ATP6V1B1: variants seen among roughly 807,000 people sequenced by gnomAD.
ATP6V1B1 encodes ATPase H+ transporting V1 subunit B1, also known as V-type proton ATPase subunit B, kidney isoform.
In ATP6V1B1, 41 loss-of-function variants were observed where a neutral mutation model predicts 62.1. That is an observed-to-expected ratio of 0.66 (90% CI 0.51 to 0.86). The LOEUF (loss-of-function observed/expected upper bound fraction) is 0.86, where lower values mean the gene tolerates loss of function less well. Ranked by LOEUF, ATP6V1B1 falls within the 40% of genes least tolerant of loss-of-function variation. ATP6V1B1 has a pLI of 0.00. For synonymous variants in ATP6V1B1, 253 were observed against 273.4 expected (o/e 0.93, Z 0.74); for missense variants, 651 against 697.5 (o/e 0.93, Z 0.75).
intron 2 of ATP6V1B1, chr2:70,956,369 C>A (rs1680432497): frequency 1.9e-5 from 3 of 160,136 alleles, no homozygotes. Flanking sequence ...CGGCTGCCTG[C>A]CCCCATGGGT....
chr2:70,939,008 C>T (rs1553415985), intron 1 of ATP6V1B1, among the ~76,000 whole-genome samples: 1 of 152,264 alleles, frequency 6.6e-6, no homozygotes, highest in Non-Finnish European at 1.5e-5. Context: ...GAGCCCTCAG[C>T]TTCCAGCCCC....
chr2:70,965,215 C>A lies in ATP6V1B1; in HGVS notation c.*94C>A. 6.6e-7 allele frequency: 1 copy of A among 1,519,358 alleles called. No individual in the cohort carries two copies. Among genetic ancestry groups the A allele is most frequent in the Non-Finnish European group, 8.9e-7 (1 of 1,122,114 alleles). 94.1% of individuals were successfully genotyped at this position (1,519,358 alleles called of 1,614,324 possible). Reference sequence around the variant, plus strand: ...GCCACCCCAACCAGCGGCTTCTGCGCCGCCCTCCGCCCTCCGCTGGCTCCG... The same window carrying A: ...GCCACCCCAACCAGCGGCTTCTGCGACGCCCTCCGCCCTCCGCTGGCTCCG... On this transcript the variant is annotated 3_prime_UTR_variant, in exon 14 of 14. Transcript: ENST00000234396.
intron 2 of ATP6V1B1, among the ~76,000 whole-genome samples, chr2:70,950,779 T>C (rs1428347958): frequency 6.6e-5 from 10 of 152,158 alleles, no homozygotes. Context: ...ACTTTTACTT[T>C]ACTTTTTATT....
At position 70,963,610 on chromosome 2, in the gene ATP6V1B1, A is replaced by G. The variant is rs1553420524; in HGVS notation, c.1099A>G (p.Thr367Ala). 3 of 1,614,148 alleles carry G rather than the reference A, an allele frequency of 1.9e-6. No homozygotes were observed. The highest frequency in any genetic ancestry group is 2.2e-5 in the South Asian group (2 of 91,084). Residue 367 changes from threonine (T) to alanine (A), a missense_variant, in exon 11 of 14, where the codon ACA (threonine) becomes GCA (alanine). Coordinates refer to ENST00000234396, the MANE Select transcript of ATP6V1B1 (RefSeq NM_001692.4). This position sits in a 1 kb window ranked among gnomAD's most constrained non-coding sequence, Gnocchi z 4.3. Reference protein sequence around the residue: ...HPIPDLTGFITEGQIYVDRQL... With the variant: ...HPIPDLTGFIAEGQIYVDRQL... ...TATCCCAGACTTGACGGGCTTCATC[A>G]CAGAGGGACAGATCTACGTGGACAG... is the stretch of plus-strand genomic sequence containing the variant.
At chr2:70,941,973 T>TG (rs1439130023) in intron 1 of ATP6V1B1, 3 of 1,014,550 alleles carry the variant, frequency 3.0e-6, no homozygotes, top group Non-Finnish European at 3.5e-6. Flanking sequence ...AAGCCAGCAG[T>TG]GGGGGGCCAT....
Position 70,959,794 on chromosome 2 carries a change from A to T in ATP6V1B1, c.446-145A>T. On this transcript the variant is annotated intron_variant, in intron 5 of 13. Transcript: ENST00000234396. The surrounding 1 kb of genome is among the most constrained non-coding windows in gnomAD (Gnocchi z 4.2). ...TCAATAGCCATTTGTATCTAGGGCT[A>T]CATCAGGCAGCACGGCCAGAGCACG... The T allele has an allele frequency of 8.6e-7, 1 of 1,158,382 alleles. No homozygotes were observed. Among genetic ancestry groups the T allele is most frequent in the Non-Finnish European group, 1.3e-6 (1 of 794,330 alleles). The allele number at this position is 1,158,382 out of a possible 1,614,324, so 71.8% of individuals were successfully genotyped here. A position where few individuals can be genotyped will look rare whatever the true frequency, so the allele number is the denominator to read the frequency against.
At chr2:70,941,569 C>A in intron 1 of ATP6V1B1, 2 of 805,966 alleles carry the variant, frequency 2.5e-6, no homozygotes, top group Non-Finnish European at 3.0e-6. Flanking sequence ...CCCTTAGGAG[C>A]ACCCACTGCA....
At position 70,963,195 on chromosome 2, in the gene ATP6V1B1, C is replaced by T. The variant is rs145536062; in HGVS notation, c.943C>T (p.Arg315Ter). Residue 315 changes from arginine (R) to a stop codon, truncating the protein, a stop_gained, in exon 10 of 14, where the codon CGA becomes TGA. Coordinates refer to ENST00000234396, the MANE Select transcript of ATP6V1B1 (RefSeq NM_001692.4). LOFTEE classifies it high-confidence loss of function. This position sits in a 1 kb window ranked among gnomAD's most constrained non-coding sequence, Gnocchi z 4.3. ...TGCTAGAGAGGAGGTGCCTGGGCGC[C>T]GAGGGTTTCCTGGATATATGTACAC... ...SAAREEVPGR[R>*]GFPGYMYTDL... The T allele has an allele frequency of 9.9e-6, 16 of 1,613,968 alleles. No individual in the cohort carries two copies. The African/African-American group carries it at 1.2e-4, about 12-fold the overall frequency.
Position 70,962,791 on chromosome 2 carries a change from T to G in ATP6V1B1, c.800T>G (p.Ile267Ser). The G allele has an allele frequency of 6.2e-7, 1 of 1,614,046 alleles. No individual in the cohort carries two copies. Among genetic ancestry groups the G allele is most frequent in the African/African-American group, 1.3e-5 (1 of 75,054 alleles). ...TACACCTCCAGGATCGAGCGGATCA[T>G]CACCCCGCGCCTGGCGCTGACCACT... is the stretch of plus-strand genomic sequence containing the variant. ...LANDPTIERI[I>S]TPRLALTTAE... The change falls in exon 9 of 14, where the codon ATC becomes AGC. Residue 267 changes from isoleucine (I) to serine (S), a missense_variant. By Grantham distance (142) the Ile-to-Ser change is moderately radical. Transcript: ENST00000234396.
At chr2:70,961,742 C>A in intron 8 of ATP6V1B1, 49 bp downstream of exon 8, 1 of 1,569,702 alleles carries the variant, frequency 6.4e-7, no homozygotes, top group South Asian at 1.1e-5. Context: ...CAGACCCCGT[C>A]CCCTTCCAAG....
chr2:70,940,328 A>C, intron 1 of ATP6V1B1: 12 of 903,308 alleles, frequency 1.3e-5, no homozygotes, highest in African/African-American at 1.8e-5. Context: ...CTTGGGCCCC[A>C]TCCCCTCCCA....
chr2:70,954,498 T>TA (rs782719085), intron 2 of ATP6V1B1, among the ~76,000 whole-genome samples: 39 of 152,378 alleles, frequency 2.6e-4, no homozygotes, highest in African/African-American at 8.9e-4. Context: ...CTTTTCCAGA[T>TA]AATCTGTTAT....
In ATP6V1B1 at chr2:70,963,363, TCCAA is replaced by T. The variant is rs1271830941; in HGVS notation, c.1060+55_1060+58del. On this transcript the variant is annotated intron_variant, in intron 10 of 13. Transcript: ENST00000234396. This position sits in a 1 kb window ranked among gnomAD's most constrained non-coding sequence, Gnocchi z 4.3. The stretch of plus-strand genomic sequence containing the variant: ...TCCAGAGCTCCCCTGTCCTCCCTTT[TCCAA>T]CCAGATACTTAAAGGGCCCACGTTG... The T allele has an allele frequency of 1.2e-6, 2 of 1,611,656 alleles. No homozygotes were observed. The highest frequency in any genetic ancestry group is 3.3e-5 in the Admixed American group (2 of 59,972).
intron 2 of ATP6V1B1, chr2:70,943,999 G>A (rs776389473): frequency 2.6e-4 from 255 of 984,852 alleles, no homozygotes; most frequent in Non-Finnish European, 3.0e-4. Flanking sequence ...TCCTGCCTCC[G>A]TTTCCCTATC....
chr2:70,944,485 C>CCA (rs1247600831), intron 2 of ATP6V1B1, among the ~76,000 whole-genome samples: 27 of 151,930 alleles, frequency 1.8e-4, no homozygotes, highest in Non-Finnish European at 3.2e-4. Flanking sequence ...GTCCCAGACC[C>CCA]CACACCTGCC....
chr2:70,937,009 T>C (rs1363715342), intron 1 of ATP6V1B1, among the ~76,000 whole-genome samples: 2 of 152,224 alleles, frequency 1.3e-5, no homozygotes, highest in East Asian at 3.9e-4. Flanking sequence ...CTCCCTGGCC[T>C]GGTGAATTCT....
chr2:70,963,492 G>A lies in ATP6V1B1; in HGVS notation c.1061-80G>A, dbSNP rs2104832277. On this transcript the variant is annotated intron_variant, in intron 10 of 13. Transcript: ENST00000234396. The surrounding 1 kb of genome is among the most constrained non-coding windows in gnomAD (Gnocchi z 4.3). ...CCACACATCCCTATCACTCCCATGAGGGAAACAGACCCCAGGTGGCCCTGA... is the reference window on the plus strand; with the variant it reads ...CCACACATCCCTATCACTCCCATGAAGGAAACAGACCCCAGGTGGCCCTGA... 1 of 1,549,306 alleles carries A rather than the reference G, an allele frequency of 6.5e-7. No homozygotes were observed. The highest frequency in any genetic ancestry group is 8.9e-7 in the Non-Finnish European group (1 of 1,122,854).
intron 1 of ATP6V1B1, among the ~76,000 whole-genome samples, chr2:70,937,157 C>T (rs1441518432): frequency 2.2e-5 from 3 of 139,126 alleles, no homozygotes; most frequent in South Asian, 2.3e-4. Context: ...CAGCATGGCC[C>T]GCCACAGCTA....
In ATP6V1B1 at chr2:70,963,105, C is replaced by T; in HGVS notation, c.910-57C>T. On this transcript the variant is annotated intron_variant, in intron 9 of 13. Coordinates refer to ENST00000234396, the MANE Select transcript of ATP6V1B1 (RefSeq NM_001692.4). This position sits in a 1 kb window ranked among gnomAD's most constrained non-coding sequence, Gnocchi z 4.3. ...AGGGTCACTGAACCTCCCACCCACC[C>T]TTCCTAGCTTCAGCCTCTCATCCCC... 6 of 1,612,702 alleles carry T rather than the reference C, an allele frequency of 3.7e-6. No individual in the cohort carries two copies. Among genetic ancestry groups the T allele is most frequent in the Non-Finnish European group, 2.5e-6 (3 of 1,179,264 alleles).
Sources: allele counts gnomAD v4.1 joint callset (sites outside exome capture counted in the v4.1 genomes callset), GRCh38; gene constraint gnomAD v4.1.1; non-coding constraint Gnocchi (gnomAD v3.1); transcripts MANE v1.5; gene names NCBI Gene and HGNC (gene_info 2026-07-23, HGNC 2026-07-21).